DNAJB4: variants seen among roughly 807,000 people sequenced by gnomAD.
DNAJB4 encodes dnaJ homolog subfamily B member 4.
DNAJB4 carries 10 observed loss-of-function variants against 26.6 expected under a neutral mutation model. That is an observed-to-expected ratio of 0.38 (90% confidence interval 0.23 to 0.64). DNAJB4 has a LOEUF of 0.64. Ranked by LOEUF, DNAJB4 falls within the 30% of genes least tolerant of loss-of-function variation. The probability of loss-of-function intolerance (pLI) is 0.58; values close to 1 mark genes in which losing one functional copy is unlikely to be tolerated. For synonymous variants in DNAJB4, 136 were observed against 134.8 expected, an observed-to-expected ratio of 1.01 and a Z score of -0.06; for missense variants, 328 against 408.2, an observed-to-expected ratio of 0.80 and a Z score of 1.69.
At chr1:77,992,412 CAAAAAAAAAAAA>C (rs67649336) in intron 1 of DNAJB4, among the ~76,000 whole-genome samples, 6 of 47,746 alleles carry the variant, frequency 1.3e-4, no homozygotes, top group East Asian at 8.5e-4. Context: ...GACTCCGTCT[CAAAAAAAAAAAA>C]AAAAAAAAAA....
At chr1:77,990,388 TC>T (rs758193489) in intron 1 of DNAJB4, among the ~76,000 whole-genome samples, 1 of 152,212 alleles carries the variant, frequency 6.6e-6, no homozygotes. Context: ...ATTTCTAAGC[TC>T]CAGTTCAGAA....
In DNAJB4 at chr1:78,017,327, TTC is replaced by T. The variant is rs914456431; in HGVS notation, c.*1082_*1083del. 1 of 151,930 alleles carries T rather than the reference TTC, an allele frequency of 6.6e-6. No homozygotes were observed. The highest frequency in any genetic ancestry group is 1.5e-5 in the Non-Finnish European group (1 of 67,908). The allele number at this position is 151,930 out of a possible 1,614,324, so 9.4% of individuals were successfully genotyped here. A position where few individuals can be genotyped will look rare whatever the true frequency, so the allele number is the denominator to read the frequency against. ...TATGTTTTAAAAATTTAGTTTTGTTTTCTGTTTTATAACTATAGTGAGAATGA... is the reference window on the plus strand; with the variant it reads ...TATGTTTTAAAAATTTAGTTTTGTTTTGTTTTATAACTATAGTGAGAATGA... On this transcript the variant is annotated 3_prime_UTR_variant, in exon 3 of 3. Coordinates refer to ENST00000370763, the MANE Select transcript of DNAJB4 (RefSeq NM_007034.5).
chr1:77,987,126 G>A (rs898846287), intron 1 of DNAJB4, among the ~76,000 whole-genome samples: 4 of 152,204 alleles, frequency 2.6e-5, no homozygotes, highest in Admixed American at 2.6e-4. Flanking sequence ...GGGTGAGGGA[G>A]AGGCCCCACT....
intron 1 of DNAJB4, among the ~76,000 whole-genome samples, chr1:77,982,803 C>T (rs1437233786): frequency 2.6e-5 from 4 of 152,110 alleles, no homozygotes; most frequent in Admixed American, 6.5e-5. Flanking sequence ...GTCTCAAAAA[C>T]GAAAGAAAGA....
rs540956170 is a variant in DNAJB4 at position 77,988,337 on chromosome 1, T to C, written c.-32+8015T>C. Among the ~76,000 whole-genome samples the C allele has an allele frequency of 1.6e-4, 24 of 152,270 alleles. No individual in the cohort carries two copies. In the South Asian group the frequency reaches 5.0e-3, roughly 32 times the overall value. ...TGTGCCCATCAGTTCTTATTGGTCT[T>C]CCACCCTTGCCCACCGTCTTTCCCA... On this transcript the variant is annotated intron_variant, in intron 1 of 2. Coordinates refer to the DNAJB4 transcript ENST00000426517.
At chr1:77,991,596 C>G (rs1022946412) in intron 1 of DNAJB4, among the ~76,000 whole-genome samples, 1 of 152,178 alleles carries the variant, frequency 6.6e-6, no homozygotes, top group South Asian at 2.1e-4. Flanking sequence ...TCTACACACA[C>G]AAAAAATGAA....
chr1:77,988,500 C>T (rs1175604791), intron 1 of DNAJB4, among the ~76,000 whole-genome samples: 1 of 152,204 alleles, frequency 6.6e-6, no homozygotes, highest in Non-Finnish European at 1.5e-5. Context: ...GACCATCTTT[C>T]AACCCCTTCA....
chr1:77,980,863 C>T (rs1659599523), intron 1 of DNAJB4, among the ~76,000 whole-genome samples: 1 of 152,066 alleles, frequency 6.6e-6, no homozygotes, highest in Non-Finnish European at 1.5e-5. Context: ...TCATGGCCAT[C>T]CCTATAAATT....
At chr1:78,007,264 C>T (rs2102607488) in intron 1 of DNAJB4, among the ~76,000 whole-genome samples, 1 of 152,076 alleles carries the variant, frequency 6.6e-6, no homozygotes, top group Admixed American at 6.5e-5. Flanking sequence ...AAATACCATT[C>T]TCTAGTTATA....
At chr1:77,987,404 C>T (rs541318855) in intron 1 of DNAJB4, among the ~76,000 whole-genome samples, 1 of 152,290 alleles carries the variant, frequency 6.6e-6, no homozygotes, top group East Asian at 1.9e-4. Context: ...GCTAGGACTA[C>T]AGGCATGCAT....
intron 1 of DNAJB4, among the ~76,000 whole-genome samples, chr1:77,992,070 A>T (rs1659942585): frequency 6.6e-6 from 1 of 152,270 alleles, no homozygotes; most frequent in South Asian, 2.1e-4. Context: ...ATTTTATAGA[A>T]CATAACCATG....
intron 1 of DNAJB4, among the ~76,000 whole-genome samples, chr1:77,993,649 A>G (rs1174985420): frequency 1.3e-5 from 2 of 152,152 alleles, no homozygotes; most frequent in African/African-American, 4.8e-5. Context: ...GGTAGGGACT[A>G]TGTATTATAC....
At chr1:77,999,496 G>C (rs1660141481) in intron 1 of DNAJB4, among the ~76,000 whole-genome samples, 1 of 151,666 alleles carries the variant, frequency 6.6e-6, no homozygotes, top group South Asian at 2.1e-4. Context: ...AAGGGAACTT[G>C]GCAAGAGGCA....
chr1:77,998,622 T>A (rs1206189271), intron 1 of DNAJB4, among the ~76,000 whole-genome samples: 1 of 152,096 alleles, frequency 6.6e-6, no homozygotes, highest in African/African-American at 2.4e-5. Context: ...GGTGGATCGC[T>A]TAAGCCCAGG....
upstream of DNAJB4, among the ~76,000 whole-genome samples, chr1:78,000,962 C>T (rs1283551125): frequency 2.0e-5 from 3 of 151,114 alleles, no homozygotes; most frequent in Non-Finnish European, 2.9e-5. Flanking sequence ...TATTCTGGAC[C>T]AGCCTGGGCG....
chr1:78,004,162 A>G (rs1660260228), upstream of DNAJB4, among the ~76,000 whole-genome samples: 1 of 152,150 alleles, frequency 6.6e-6, no homozygotes, highest in African/African-American at 2.4e-5. Flanking sequence ...TTCTTTAAAT[A>G]GGGATCCTGT....
chr1:78,010,368 A>G (rs954506271), intron 1 of DNAJB4, among the ~76,000 whole-genome samples: 1 of 152,002 alleles, frequency 6.6e-6, no homozygotes, highest in Non-Finnish European at 1.5e-5. Context: ...CTTGAGCTAC[A>G]TATTATTCTA....
chr1:78,013,722 G>A (rs919851435), intron 2 of DNAJB4, 103 bp downstream of exon 2: 15 of 889,280 alleles, frequency 1.7e-5, no homozygotes, highest in Admixed American at 2.8e-5. Flanking sequence ...CCTATTATAC[G>A]TTAAAAATAA....
chr1:77,983,106 T>C (rs536095781), intron 1 of DNAJB4, among the ~76,000 whole-genome samples: 1 of 152,152 alleles, frequency 6.6e-6, no homozygotes, highest in African/African-American at 2.4e-5. Context: ...AAGACAATTG[T>C]GGGGAGAGGG....
Sources: gnomAD v4.1 joint callset for allele counts (sites outside exome capture counted in the v4.1 genomes callset) on GRCh38, gnomAD v4.1.1 for gene constraint, MANE v1.5 for transcripts, NCBI Gene and HGNC (gene_info 2026-07-23, HGNC 2026-07-21) for gene names.